TMEFF1: variants seen among roughly 807,000 people sequenced by gnomAD.
The protein encoded by TMEFF1 is transmembrane protein with EGF like and two follistatin like domains 1, also known as tomoregulin-1.
Under a neutral mutation model 47.5 loss-of-function variants are expected in TMEFF1, and 20 were observed. The ratio of observed to expected loss-of-function variants is 0.42; its 90% confidence interval spans 0.30 to 0.61. The LOEUF (loss-of-function observed/expected upper bound fraction) is 0.61, where lower values mean the gene tolerates loss of function less well. TMEFF1 is among the 20% of genes least tolerant of loss of function. TMEFF1 has a pLI of 0.19. For synonymous variants in TMEFF1, 162 were observed against 166.3 expected (o/e 0.97, Z 0.20); for missense variants, 411 against 471.1 (o/e 0.87, Z 1.18).
At chr9:100,549,201 T>A (rs1838789122) in intron 6 of TMEFF1, among the ~76,000 whole-genome samples, 1 of 151,976 alleles carries the variant, frequency 6.6e-6, no homozygotes, top group South Asian at 2.1e-4. Flanking sequence ...GGAAACACAA[T>A]CATGGTAGAT....
intron 7 of TMEFF1, among the ~76,000 whole-genome samples, chr9:100,555,602 T>C (rs1348929392): frequency 6.6e-6 from 1 of 152,190 alleles, no homozygotes; most frequent in Non-Finnish European, 1.5e-5. Context: ...GACAGTAATA[T>C]CTACTACCTA....
intron 7 of TMEFF1, among the ~76,000 whole-genome samples, chr9:100,553,195 C>T (rs1838857461): frequency 6.6e-6 from 1 of 152,198 alleles, no homozygotes; most frequent in African/African-American, 2.4e-5. Context: ...GACCAAGTTT[C>T]TTCCATGAAG....
chr9:100,521,275 C>G (rs1028551505), intron 5 of TMEFF1, among the ~76,000 whole-genome samples: 4 of 152,150 alleles, frequency 2.6e-5, no homozygotes, highest in Non-Finnish European at 5.9e-5. Flanking sequence ...CTCACCCTTC[C>G]TTCCTGAAAC....
intron 8 of TMEFF1, among the ~76,000 whole-genome samples, chr9:100,563,766 G>A (rs1340319858): frequency 6.6e-6 from 1 of 152,154 alleles, no homozygotes; most frequent in Non-Finnish European, 1.5e-5. Flanking sequence ...GCCTAGTATA[G>A]GACCTAGCCC....
At chr9:100,576,106 G>A (rs965010597) in intron 9 of TMEFF1, among the ~76,000 whole-genome samples, 2 of 152,122 alleles carry the variant, frequency 1.3e-5, no homozygotes, top group Admixed American at 6.6e-5. Context: ...TTTTAGAGCT[G>A]TCTTCTCATA....
intron 5 of TMEFF1, among the ~76,000 whole-genome samples, chr9:100,523,496 G>A (rs1457973887): frequency 2.6e-5 from 4 of 152,156 alleles, no homozygotes; most frequent in South Asian, 2.1e-4. Context: ...GGCCTTTGTT[G>A]AATTAGTGGC....
At chr9:100,510,244 A>G (rs1837937155) in intron 3 of TMEFF1, among the ~76,000 whole-genome samples, 1 of 152,216 alleles carries the variant, frequency 6.6e-6, no homozygotes, top group South Asian at 2.1e-4. Flanking sequence ...AAGGGCTAAC[A>G]GACTCACTGA....
intron 5 of TMEFF1, among the ~76,000 whole-genome samples, chr9:100,527,841 G>A (rs10989137): frequency 0.18 from 27,892 of 152,104 alleles, 2,762 homozygotes; most frequent in South Asian, 0.31. Flanking sequence ...AAATGTCCCC[G>A]TCTGACAGCT....
At position 100,576,679 on chromosome 9, in the gene TMEFF1, TCA is replaced by T; in HGVS notation, c.*80_*81del. ...TTTTTAAAGAATGGAAATATTTATT[TCA>T]GAGGCCTTATTTTTGGACATTTTTA... On this transcript the variant is annotated 3_prime_UTR_variant, in exon 10 of 10. Transcript: ENST00000374879. 6.6e-7 allele frequency: 1 copy of T among 1,516,826 alleles called. No homozygotes were observed. The highest frequency in any genetic ancestry group is 8.9e-7 in the Non-Finnish European group (1 of 1,129,030). 94.0% of individuals were successfully genotyped at this position (1,516,826 alleles called of 1,614,324 possible).
intron 1 of TMEFF1, among the ~76,000 whole-genome samples, chr9:100,495,782 C>G (rs1405125649): frequency 6.6e-6 from 1 of 152,032 alleles, no homozygotes. Flanking sequence ...ACCTCTAGCA[C>G]CCTCATAAAT....
At chr9:100,553,175 G>T (rs988051054) in intron 7 of TMEFF1, among the ~76,000 whole-genome samples, 4 of 152,182 alleles carry the variant, frequency 2.6e-5, no homozygotes, top group Non-Finnish European at 5.9e-5. Context: ...GGGGATCATT[G>T]ACAATCTTGG....
chr9:100,548,483 A>C (rs930648401), intron 6 of TMEFF1, among the ~76,000 whole-genome samples: 3 of 152,094 alleles, frequency 2.0e-5, no homozygotes, highest in Admixed American at 2.0e-4. Flanking sequence ...TTCCACCCCT[A>C]CTAGAAATAT....
intron 3 of TMEFF1, among the ~76,000 whole-genome samples, chr9:100,510,382 A>G (rs1837939431): frequency 6.6e-6 from 1 of 152,224 alleles, no homozygotes; most frequent in Admixed American, 6.5e-5. Flanking sequence ...CAGTGGAGGC[A>G]TGGACAGAGT....
At chr9:100,489,198 CATA>C (rs552517989) in intron 1 of TMEFF1, among the ~76,000 whole-genome samples, 44 of 152,166 alleles carry the variant, frequency 2.9e-4, no homozygotes, top group African/African-American at 1.0e-3. Flanking sequence ...TTTCTTTTAA[CATA>C]ATATTTTCTT....
At chr9:100,484,194 A>G (rs1394244576) in intron 1 of TMEFF1, among the ~76,000 whole-genome samples, 4 of 152,202 alleles carry the variant, frequency 2.6e-5, no homozygotes, top group African/African-American at 9.7e-5. Context: ...CATTTACATT[A>G]AATTAAGTAA....
Position 100,536,934 on chromosome 9 carries a change from C to G in TMEFF1, c.561-10810C>G, listed in dbSNP as rs531080742. Among the ~76,000 whole-genome samples the G allele has an allele frequency of 3.3e-5, 5 of 152,218 alleles. No individual in the cohort carries two copies. In the East Asian group the frequency reaches 5.8e-4, roughly 18 times the overall value. The stretch of plus-strand genomic sequence containing the variant: ...GACATATGGCTATGTTTATTTTGTT[C>G]TAGTCAGTGCATTTATTGATGACTT... On this transcript the variant is annotated intron_variant, in intron 5 of 9. Transcript: ENST00000374879.
intron 1 of TMEFF1, among the ~76,000 whole-genome samples, chr9:100,483,113 A>G (rs1837372127): frequency 6.6e-6 from 1 of 152,166 alleles, no homozygotes; most frequent in Admixed American, 6.5e-5. Flanking sequence ...TGTGAAACAC[A>G]TGAATTTATA....
At chr9:100,515,603 T>C (rs765305590) in intron 4 of TMEFF1, among the ~76,000 whole-genome samples, 1 of 151,922 alleles carries the variant, frequency 6.6e-6, no homozygotes, top group Non-Finnish European at 1.5e-5. Flanking sequence ...CTGGCCAACA[T>C]AGTGAAACCC....
intron 8 of TMEFF1, among the ~76,000 whole-genome samples, chr9:100,565,797 A>G (rs796538934): frequency 2.0e-5 from 3 of 152,312 alleles, no homozygotes; most frequent in African/African-American, 7.2e-5. Context: ...ATATTGATAA[A>G]CTTTTATTTA....
Sources: gnomAD v4.1 joint callset for allele counts (sites outside exome capture counted in the v4.1 genomes callset) on GRCh38, gnomAD v4.1.1 for gene constraint, MANE v1.5 for transcripts, NCBI Gene and HGNC (gene_info 2026-07-23, HGNC 2026-07-21) for gene names.